The following GGTLC1 variants were observed in gnomAD, a reference collection of about 807,000 sequenced individuals.
The protein encoded by GGTLC1 is gamma-glutamyltransferase light chain 1.
Under a neutral mutation model 19.5 loss-of-function variants are expected in GGTLC1, and 14 were observed. That is an observed-to-expected ratio of 0.72 (90% CI 0.47 to 1.12). The LOEUF (loss-of-function observed/expected upper bound fraction) is 1.12, where lower values mean the gene tolerates loss of function less well. Among genes scored for constraint, GGTLC1 ranks in the 50% most tolerant of loss-of-function variants. GGTLC1 has a pLI of 0.00. For missense variants in GGTLC1, 304 were observed against 309.2 expected, an observed-to-expected ratio of 0.98 and a Z score of 0.13; for synonymous variants, 110 against 124.2, an observed-to-expected ratio of 0.89 and a Z score of 0.76.
intron 1 of GGTLC1, among the ~76,000 whole-genome samples, chr20:23,987,917 C>T (rs1303524548): frequency 6.5e-5 from 9 of 138,444 alleles, no homozygotes; most frequent in African/African-American, 1.2e-4. Context: ...GGTGTGGTGG[C>T]GGGCGCCTGT....
chr20:23,985,430 T>G (rs1987820145), intron 5 of GGTLC1, 68 bp from the exon 6 acceptor site: 1 of 1,610,668 alleles, frequency 6.2e-7, no homozygotes, highest in African/African-American at 1.3e-5. Flanking sequence ...ACCTGTGTGG[T>G]CACAGGCCTC....
Position 23,985,956 on chromosome 20 carries a change from G to A in GGTLC1, c.323C>T (p.Ser108Phe). ...GCCCACCATGATCGTCGGGCACATG[G>A]ACGAGAGCGGCTGCTTCCCTGCGGC... Reference protein sequence around the residue: ...FIQPGKQPLSSMCPTIMVGQD... With the variant: ...FIQPGKQPLSFMCPTIMVGQD... Residue 108 changes from serine to phenylalanine, a missense_variant, in exon 4 of 6, where the codon TCC becomes TTC. Ser to Phe is a radical substitution (Grantham distance 155). Transcript: ENST00000335694. 6.2e-7 allele frequency: 1 copy of A among 1,611,988 alleles called. No homozygotes were observed. Among genetic ancestry groups the A allele is most frequent in the Non-Finnish European group, 8.5e-7 (1 of 1,179,862 alleles).
In GGTLC1 at chr20:23,985,890, CCCCCGGCAGCTCCCA is replaced by C; in HGVS notation, c.374_388del (p.Val125_Gly129del). On this transcript the variant is annotated inframe_deletion, in exon 4 of 6. Coordinates refer to ENST00000335694, the MANE Select transcript of GGTLC1 (RefSeq NM_178311.3). ...TGCAGTGGCCATGGTGATCTGCGTG[CCCCCGGCAGCTCCCA>C]CCACCATCCGGACCTGGCCGTCCTG... 1 of 1,611,994 alleles carries C rather than the reference CCCCCGGCAGCTCCCA, an allele frequency of 6.2e-7. No homozygotes were observed. The highest frequency in any genetic ancestry group is 8.5e-7 in the Non-Finnish European group (1 of 1,179,860).
chr20:23,986,482 C>A lies in GGTLC1; in HGVS notation c.130G>T (p.Ala44Ser). The change falls in exon 2 of 6, where the codon GCA becomes TCA. Residue 44 changes from alanine (A) to serine (S), a missense_variant. Physicochemically the swap from Ala to Ser is moderately conservative, Grantham distance 99. Coordinates refer to ENST00000335694, the MANE Select transcript of GGTLC1 (RefSeq NM_178311.3). The part of the protein sequence containing the change: ...DGGTAHLSVV[A>S]EDGSAVSATS... ...GCGGACACAGCACTGCCGTCCTCTG[C>A]GACCACAGACAGGTGAGCAGTGCCC... The A allele has an allele frequency of 2.5e-6, 4 of 1,611,960 alleles. No homozygotes were observed. The highest frequency in any genetic ancestry group is 1.3e-5 in the African/African-American group (1 of 74,984).
intron 1 of GGTLC1, among the ~76,000 whole-genome samples, chr20:23,987,764 A>C (rs1448958877): frequency 2.0e-5 from 3 of 151,408 alleles, no homozygotes; most frequent in Non-Finnish European, 4.4e-5. Context: ...GCGGTGGCTC[A>C]CGGCTGTAAT....
intron 5 of GGTLC1, 30 bp from the exon 6 acceptor site, chr20:23,985,392 G>A (rs1180813619): frequency 6.2e-7 from 1 of 1,611,398 alleles, no homozygotes; most frequent in East Asian, 2.2e-5. Flanking sequence ...GGAAGCCTGA[G>A]CAGGGCTCCA....
rs148565423 is a variant in GGTLC1 at position 23,986,615 on chromosome 20, G to C, written c.-4C>G. 3.7e-6 allele frequency: 6 copies of C among 1,609,160 alleles called. No individual in the cohort carries two copies. Among genetic ancestry groups the C allele is most frequent in the Admixed American group, 3.3e-5 (2 of 59,880 alleles). On this transcript the variant is annotated 5_prime_UTR_variant, in exon 2 of 6. Coordinates refer to ENST00000335694, the MANE Select transcript of GGTLC1 (RefSeq NM_178311.3). The stretch of plus-strand genomic sequence containing the variant: ...CAGAGAAGAACTCGGAGGTCATGTC[G>C]CGGACCACCTGCCGAGACCCCAGAG...
chr20:23,986,614 C>A lies in GGTLC1; in HGVS notation c.-3G>T. 6.9e-7 allele frequency: 1 copy of A among 1,441,582 alleles called. No individual in the cohort carries two copies. Among genetic ancestry groups the A allele is most frequent in the Non-Finnish European group, 9.3e-7 (1 of 1,069,940 alleles). The allele number at this position is 1,441,582 out of a possible 1,614,324, so 89.3% of individuals were successfully genotyped here. ...GCAGAGAAGAACTCGGAGGTCATGT[C>A]GCGGACCACCTGCCGAGACCCCAGA... is the stretch of plus-strand genomic sequence containing the variant. On this transcript the variant is annotated 5_prime_UTR_variant, in exon 2 of 6. Transcript: ENST00000335694.
intron 1 of GGTLC1, among the ~76,000 whole-genome samples, chr20:23,988,295 T>C (rs965986301): frequency 7.9e-5 from 12 of 151,584 alleles, no homozygotes; most frequent in Non-Finnish European, 1.3e-4. Flanking sequence ...ATCCGTCCGC[T>C]CCGACCTCCC....
chr20:23,987,086 A>G (rs573583040), intron 1 of GGTLC1, among the ~76,000 whole-genome samples: 272 of 152,282 alleles, frequency 1.8e-3, no homozygotes, highest in African/African-American at 6.2e-3. Context: ...CAGAGGAGGC[A>G]ATGTGTGAAA....
chr20:23,985,588 T>C lies in GGTLC1; in HGVS notation c.531+79A>G, dbSNP rs556274800. On this transcript the variant is annotated intron_variant, in intron 5 of 5. Coordinates refer to ENST00000335694, the MANE Select transcript of GGTLC1 (RefSeq NM_178311.3). ...AGAGAGGACACCAACCATTGTCCAC[T>C]CTGTGATGATCCAGGCCTCCAGCCC... 6 of 1,608,174 alleles carry C rather than the reference T, an allele frequency of 3.7e-6. No individual in the cohort carries two copies. In the South Asian group the frequency reaches 5.5e-5, roughly 15 times the overall value.
In GGTLC1 at chr20:23,986,456, G is replaced by A; in HGVS notation, c.156C>T (p.Ala52=). 1 of 1,611,880 alleles carries A rather than the reference G, an allele frequency of 6.2e-7. No individual in the cohort carries two copies. The highest frequency in any genetic ancestry group is 8.5e-7 in the Non-Finnish European group (1 of 1,179,842). ...CCTACTAGAGGTTGATGGTGCTGGT[G>A]GCGGACACAGCACTGCCGTCCTCTG... is the stretch of plus-strand genomic sequence containing the variant. The part of the protein sequence containing the change: ...VVAEDGSAVS[A]TSTINLYFGS... The change falls in exon 2 of 6, where the codon GCC becomes GCT. Residue 52 remains alanine (A), a synonymous_variant. Transcript: ENST00000335694.
At chr20:23,988,224 T>C (rs1243200049) in intron 1 of GGTLC1, among the ~76,000 whole-genome samples, 2 of 150,370 alleles carry the variant, frequency 1.3e-5, no homozygotes, top group Non-Finnish European at 1.5e-5. Flanking sequence ...AAATTTGTAT[T>C]TTTACTAGAG....
At position 23,986,606 on chromosome 20, in the gene GGTLC1, G is replaced by A; in HGVS notation, c.6C>T (p.Thr2=). The A allele has an allele frequency of 1.2e-6, 2 of 1,603,354 alleles. No homozygotes were observed. M[T]SEFFSAQLRA... ...GGAGCTGGGCAGAGAAGAACTCGGA[G>A]GTCATGTCGCGGACCACCTGCCGAG... The change falls in exon 2 of 6, where the codon ACC becomes ACT. Residue 2 remains threonine (T), a synonymous_variant. Coordinates refer to ENST00000335694, the MANE Select transcript of GGTLC1 (RefSeq NM_178311.3).
At position 23,985,655 on chromosome 20, in the gene GGTLC1, C is replaced by T; in HGVS notation, c.531+12G>A. ...CCACACCGTGACTCAGTTTCTCCAACCCCCAGCCCACCTGGTCAATGTTTC... is the reference window on the plus strand; with the variant it reads ...CCACACCGTGACTCAGTTTCTCCAATCCCCAGCCCACCTGGTCAATGTTTC... On this transcript the variant is annotated intron_variant, in intron 5 of 5. Transcript: ENST00000335694. The T allele has an allele frequency of 6.2e-7, 1 of 1,611,812 alleles. No individual in the cohort carries two copies.
chr20:23,986,922 G>A (rs1987963369), intron 1 of GGTLC1: 2 of 928,304 alleles, frequency 2.2e-6, no homozygotes, highest in Admixed American at 6.3e-5. Flanking sequence ...TGCACTGCAT[G>A]CCTGGCACTG....
At position 23,986,056 on chromosome 20, in the gene GGTLC1, C is replaced by T; in HGVS notation, c.304+20G>A. The T allele has an allele frequency of 2.5e-6, 4 of 1,613,334 alleles. No homozygotes were observed. In the Admixed American group the frequency reaches 5.0e-5, roughly 20 times the overall value. ...CCCCTCTCCACCCCAGTCCCCCACCCTCGGACCTCCACCCCATACCTGGCT... is the reference window on the plus strand; with the variant it reads ...CCCCTCTCCACCCCAGTCCCCCACCTTCGGACCTCCACCCCATACCTGGCT... On this transcript the variant is annotated intron_variant, in intron 3 of 5. Coordinates refer to ENST00000335694, the MANE Select transcript of GGTLC1 (RefSeq NM_178311.3).
chr20:23,988,648 C>G lies in GGTLC1; in HGVS notation c.-74G>C, dbSNP rs2424608. 0.92 allele frequency: 530,810 copies of G among 575,404 alleles called. 245,189 individuals are homozygous for G. The highest frequency in any genetic ancestry group is 1 in the East Asian group (8,889 of 8,892). 35.6% of individuals were successfully genotyped at this position (575,404 alleles called of 1,614,324 possible). Reference sequence around the variant, plus strand: ...TAATCCGTTAAGCTCACTCTGTCACCGGCGCCATTAAGTGCTCACGCGCCC... The same window carrying G: ...TAATCCGTTAAGCTCACTCTGTCACGGGCGCCATTAAGTGCTCACGCGCCC... On this transcript the variant is annotated 5_prime_UTR_variant, in exon 1 of 6. Coordinates refer to ENST00000335694, the MANE Select transcript of GGTLC1 (RefSeq NM_178311.3).
chr20:23,988,648 C>A lies in GGTLC1; in HGVS notation c.-74G>T, dbSNP rs2424608. 2 of 576,128 alleles carry A rather than the reference C, an allele frequency of 3.5e-6. No homozygotes were observed. The highest frequency in any genetic ancestry group is 4.5e-6 in the Non-Finnish European group (2 of 442,736). 35.7% of individuals were successfully genotyped at this position (576,128 alleles called of 1,614,324 possible). A position where few individuals can be genotyped will look rare whatever the true frequency, so the allele number is the denominator to read the frequency against. ...TAATCCGTTAAGCTCACTCTGTCACCGGCGCCATTAAGTGCTCACGCGCCC... is the reference window on the plus strand; with the variant it reads ...TAATCCGTTAAGCTCACTCTGTCACAGGCGCCATTAAGTGCTCACGCGCCC... On this transcript the variant is annotated 5_prime_UTR_variant, in exon 1 of 6. Coordinates refer to ENST00000335694, the MANE Select transcript of GGTLC1 (RefSeq NM_178311.3).
Sources: gnomAD v4.1 joint callset for allele counts (sites outside exome capture counted in the v4.1 genomes callset) on GRCh38, gnomAD v4.1.1 for gene constraint, MANE v1.5 for transcripts, NCBI Gene and HGNC (gene_info 2026-07-23, HGNC 2026-07-21) for gene names.